Variants in ALCAM observed in about 807,000 individuals in gnomAD.
ALCAM encodes activated leukocyte cell adhesion molecule.
Under a neutral mutation model 70.9 loss-of-function variants are expected in ALCAM, and 30 were observed. The ratio of observed to expected loss-of-function variants is 0.42; its 90% CI spans 0.32 to 0.57. The LOEUF is 0.57. ALCAM is among the 20% of genes least tolerant of loss of function. The pLI is 0.11. For missense variants in ALCAM, 591 were observed against 695.1 expected (o/e 0.85, Z 1.68); for synonymous variants, 249 against 242.5 (o/e 1.03, Z -0.25).
At chr3:105,480,601 G>T (rs1938245730) in intron 1 of ALCAM, among the ~76,000 whole-genome samples, 1 of 152,144 alleles carries the variant, frequency 6.6e-6, no homozygotes, top group Non-Finnish European at 1.5e-5. Context: ...CTTCACCATG[G>T]CAGTCATCTG....
chr3:105,411,713 C>T (rs1487251059), intron 1 of ALCAM, among the ~76,000 whole-genome samples: 1 of 151,880 alleles, frequency 6.6e-6, no homozygotes, highest in African/African-American at 2.4e-5. Context: ...GCTGTGTAGT[C>T]ATTTGAAGAG....
chr3:105,493,434 T>C (rs1022198053), intron 1 of ALCAM, among the ~76,000 whole-genome samples: 6 of 152,144 alleles, frequency 3.9e-5, no homozygotes, highest in African/African-American at 1.2e-4. Context: ...TTAATTTACA[T>C]GGCAAAATGA....
At chr3:105,468,371 G>A (rs555453102) in intron 1 of ALCAM, among the ~76,000 whole-genome samples, 2 of 151,250 alleles carry the variant, frequency 1.3e-5, no homozygotes, top group South Asian at 4.2e-4. Flanking sequence ...AGATCTGATG[G>A]CATGGCTTTG....
chr3:105,379,865 A>C (rs1213755151), intron 1 of ALCAM, among the ~76,000 whole-genome samples: 1 of 151,816 alleles, frequency 6.6e-6, no homozygotes, highest in African/African-American at 2.4e-5. Context: ...TGCTTCCACA[A>C]ATAATATGTG....
At chr3:105,565,976 A>G (rs1394432806) in intron 14 of ALCAM, among the ~76,000 whole-genome samples, 1 of 152,224 alleles carries the variant, frequency 6.6e-6, no homozygotes, top group Admixed American at 6.5e-5. Flanking sequence ...ACCACCAGAA[A>G]ATACTTCCAG....
rs1935089383 is a variant in ALCAM at position 105,367,401 on chromosome 3, G to A, written c.-8G>A. The A allele has an allele frequency of 1.9e-6, 3 of 1,613,708 alleles. No homozygotes were observed. The highest frequency in any genetic ancestry group is 2.7e-5 in the African/African-American group (2 of 74,906). ...TCCGTCAGTGGCCCACCAAGAAGGA[G>A]GAGGAATATGGAATCCAAGGGGGCC... is the stretch of plus-strand genomic sequence containing the variant. On this transcript the variant is annotated 5_prime_UTR_variant, in exon 1 of 16. Coordinates refer to ENST00000306107, the MANE Select transcript of ALCAM (RefSeq NM_001627.4).
intron 14 of ALCAM, among the ~76,000 whole-genome samples, chr3:105,562,291 A>C (rs1256793762): frequency 6.6e-6 from 1 of 152,196 alleles, no homozygotes; most frequent in Non-Finnish European, 1.5e-5. Context: ...CTTTACTACA[A>C]AGTATCCTTT....
chr3:105,367,467 C>T lies in ALCAM; in HGVS notation c.59C>T (p.Thr20Ile). The change falls in exon 1 of 16, where the codon ACC becomes ATC. Residue 20 changes from threonine (T) to isoleucine (I), a missense_variant. By Grantham distance (89) the Thr-to-Ile change is moderately conservative. This residue lies in a region of ALCAM where 427 missense variants were observed against 450.4 expected (regional missense o/e 0.95). Transcript: ENST00000306107. ...CTCTTCTGCCTCTTGATCTCCGCCA[C>T]CGTCTTCAGGCCAGGTGAGCAAGGG... is the stretch of plus-strand genomic sequence containing the variant. ...RLLFCLLISA[T>I]VFRPGLGWYT... 4 of 1,614,072 alleles carry T rather than the reference C, an allele frequency of 2.5e-6. No homozygotes were observed. Among genetic ancestry groups the T allele is most frequent in the Non-Finnish European group, 3.4e-6 (4 of 1,179,946 alleles).
intron 13 of ALCAM, 88 bp downstream of exon 13, chr3:105,552,270 C>T: frequency 7.2e-7 from 1 of 1,393,032 alleles, no homozygotes; most frequent in Non-Finnish European, 9.9e-7. Flanking sequence ...CTTAGCTGTC[C>T]ACAATTTTGA....
intron 1 of ALCAM, among the ~76,000 whole-genome samples, chr3:105,398,830 G>A (rs1280458684): frequency 6.6e-6 from 1 of 150,814 alleles, no homozygotes; most frequent in Non-Finnish European, 1.5e-5. Context: ...GAGATTGCTT[G>A]TTGCTTTGTT....
chr3:105,388,670 T>C (rs1935719823), intron 1 of ALCAM, among the ~76,000 whole-genome samples: 1 of 151,642 alleles, frequency 6.6e-6, no homozygotes, highest in African/African-American at 2.4e-5. Context: ...GACTTGAAGC[T>C]TCACTAAATA....
chr3:105,534,579 T>A, intron 5 of ALCAM, 84 bp from the exon 6 acceptor site: 1 of 1,342,542 alleles, frequency 7.4e-7, no homozygotes, highest in South Asian at 1.2e-5. Flanking sequence ...AAAAAAACAC[T>A]TCTCAAAGGT....
At chr3:105,431,927 T>C (rs983233805) in intron 1 of ALCAM, among the ~76,000 whole-genome samples, 9 of 152,192 alleles carry the variant, frequency 5.9e-5, no homozygotes, top group African/African-American at 1.9e-4. Flanking sequence ...GAAATCTTAC[T>C]GAACAAATGC....
At chr3:105,481,959 T>A (rs1938282864) in intron 1 of ALCAM, among the ~76,000 whole-genome samples, 2 of 152,162 alleles carry the variant, frequency 1.3e-5, no homozygotes, top group Admixed American at 6.6e-5. Flanking sequence ...TTATATCAGG[T>A]AATTTGAGAG....
At chr3:105,512,140 G>C (rs560197749) in intron 1 of ALCAM, among the ~76,000 whole-genome samples, 2 of 151,980 alleles carry the variant, frequency 1.3e-5, no homozygotes, top group Non-Finnish European at 2.9e-5. Flanking sequence ...TGGTTTTGGA[G>C]TTTGGTAGTG....
intron 1 of ALCAM, among the ~76,000 whole-genome samples, chr3:105,476,115 T>C (rs1271878965): frequency 6.6e-6 from 1 of 152,008 alleles, no homozygotes; most frequent in Non-Finnish European, 1.5e-5. Context: ...TTTCATGCCT[T>C]CTCTGGTGCA....
rs1272111166 is a variant in ALCAM at position 105,403,941 on chromosome 3, G to T, written c.73+36460G>T. Among the ~76,000 whole-genome samples the T allele has an allele frequency of 2.6e-5, 4 of 151,106 alleles. No homozygotes were observed. The East Asian group carries it at 5.9e-4, about 22-fold the overall frequency. ...GGACACACTTAGAGAAATGCAAAAT[G>T]TACTAGAAAGTATCAGCAATAGAAT... On this transcript the variant is annotated intron_variant, in intron 1 of 15. Transcript: ENST00000306107.
At chr3:105,526,703 G>T (rs1328885734) in intron 3 of ALCAM, among the ~76,000 whole-genome samples, 2 of 152,088 alleles carry the variant, frequency 1.3e-5, no homozygotes, top group Non-Finnish European at 2.9e-5. Context: ...AGGGGCTTTG[G>T]TTTGTTTTTT....
At position 105,455,526 on chromosome 3, in the gene ALCAM, C is replaced by A. The variant is rs895075187; in HGVS notation, c.74-64541C>A. 1.3e-5 allele frequency among the ~76,000 whole-genome samples: 2 copies of A among 151,288 alleles called. 1 individual carries two copies. The highest frequency in any genetic ancestry group is 4.2e-4 in the South Asian group (2 of 4,808). ...AAACAGGTAAGGTAGAAATGGTACA[C>A]ACGAATAACAAACATAAAAGTACAG... On this transcript the variant is annotated intron_variant, in intron 1 of 15. Coordinates refer to ENST00000306107, the MANE Select transcript of ALCAM (RefSeq NM_001627.4).
Sources: gnomAD v4.1 joint callset for allele counts (sites outside exome capture counted in the v4.1 genomes callset) on GRCh38, gnomAD v4.1.1 for gene constraint, gnomAD v4.1.1 regional missense constraint, MANE v1.5 for transcripts, NCBI Gene and HGNC (gene_info 2026-07-23, HGNC 2026-07-21) for gene names.